RHOJ: variants seen among roughly 807,000 people sequenced by gnomAD.
The protein encoded by RHOJ is ras homolog family member J.
A neutral mutation model predicts 23.4 loss-of-function variants in RHOJ; 11 were observed. The ratio of observed to expected loss-of-function variants is 0.47; its 90% CI spans 0.30 to 0.78. The LOEUF (loss-of-function observed/expected upper bound fraction) is 0.78. RHOJ is among the 30% of genes least tolerant of loss of function. The probability of loss-of-function intolerance (pLI) is 0.08; values close to 1 mark genes in which losing one functional copy is unlikely to be tolerated. For missense variants in RHOJ, 254 were observed against 273.4 expected, an observed-to-expected ratio of 0.93 and a Z score of 0.50; for synonymous variants, 102 against 102.7, an observed-to-expected ratio of 0.99 and a Z score of 0.04.
At chr14:63,281,621 A>G (rs1881902410) in intron 3 of RHOJ, among the ~76,000 whole-genome samples, 1 of 152,170 alleles carries the variant, frequency 6.6e-6, no homozygotes, top group South Asian at 2.1e-4. Context: ...ACCATTGTCT[A>G]TTCCTTTTAA....
intron 1 of RHOJ, among the ~76,000 whole-genome samples, chr14:63,242,888 T>G (rs142249302): frequency 6.6e-6 from 1 of 152,134 alleles, no homozygotes; most frequent in African/African-American, 2.4e-5. Flanking sequence ...TATTTTTATA[T>G]AAATGAAAAA....
chr14:63,270,171 T>C (rs888537916), intron 2 of RHOJ, among the ~76,000 whole-genome samples: 4 of 65,574 alleles, frequency 6.1e-5, no homozygotes, highest in African/African-American at 4.7e-4. Flanking sequence ...CGTCTAGGCC[T>C]TTTTTTTTTT....
intron 1 of RHOJ, among the ~76,000 whole-genome samples, chr14:63,230,150 T>C (rs1894664486): frequency 1.3e-5 from 2 of 151,002 alleles, no homozygotes; most frequent in South Asian, 4.2e-4. Flanking sequence ...TGGACAATCC[T>C]AAAAATTGTC....
intron 2 of RHOJ, among the ~76,000 whole-genome samples, chr14:63,280,021 GTTTTA>G (rs1280214301): frequency 6.6e-6 from 1 of 151,832 alleles, no homozygotes; most frequent in Non-Finnish European, 1.5e-5. Flanking sequence ...TTGGTCTTTT[GTTTTA>G]TTTTGTTTGT....
chr14:63,209,273 A>G (rs962509645), intron 1 of RHOJ, among the ~76,000 whole-genome samples: 2 of 152,054 alleles, frequency 1.3e-5, no homozygotes, highest in African/African-American at 4.8e-5. Flanking sequence ...AACTTCTCCA[A>G]TCACTTCCCT....
intron 1 of RHOJ, among the ~76,000 whole-genome samples, chr14:63,212,569 C>T (rs951693167): frequency 5.3e-5 from 8 of 152,112 alleles, no homozygotes; most frequent in African/African-American, 1.4e-4. Flanking sequence ...TTGCCCCATG[C>T]GGTGGTGGGA....
At chr14:63,254,119 C>T (rs1165680863) in intron 1 of RHOJ, among the ~76,000 whole-genome samples, 2 of 152,130 alleles carry the variant, frequency 1.3e-5, no homozygotes, top group African/African-American at 4.8e-5. Flanking sequence ...CCTTATGTCA[C>T]ACAGGACCGG....
rs1353812763 is a variant in RHOJ, at chr14:63,292,494, A to G, written c.*1470A>G. On this transcript the variant is annotated 3_prime_UTR_variant, in exon 5 of 5. Transcript: ENST00000316754. ...TCTTAGTTGCTTATAAGTGCCCTGG[A>G]ATCACCCAGGTAGGCACTTAATTTT... The G allele has an allele frequency of 6.6e-6, 1 of 152,184 alleles. No individual in the cohort carries two copies. The highest frequency in any genetic ancestry group is 1.5e-5 in the Non-Finnish European group (1 of 68,046). The allele number at this position is 152,184 out of a possible 1,614,324, so 9.4% of individuals were successfully genotyped here. A position where few individuals can be genotyped will look rare whatever the true frequency, so the allele number is the denominator to read the frequency against.
At chr14:63,282,400 T>C (rs1234200218) in intron 3 of RHOJ, among the ~76,000 whole-genome samples, 1 of 152,110 alleles carries the variant, frequency 6.6e-6, no homozygotes, top group Non-Finnish European at 1.5e-5. Context: ...AAGCCCTTGC[T>C]TTCCCACATT....
rs1881938507 is a variant in RHOJ at position 63,282,358 on chromosome 14, G to A, written c.403-763G>A. On this transcript the variant is annotated intron_variant, in intron 3 of 4. Transcript: ENST00000316754. ...AGCTGAGTAATATGCTTATAAAAGG[G>A]ACCCTAATATATTGGTCTTTCTTTA... 3.3e-5 allele frequency among the ~76,000 whole-genome samples: 5 copies of A among 151,172 alleles called. No homozygotes were observed. In the South Asian group the frequency reaches 1.0e-3, roughly 32 times the overall value.
intron 1 of RHOJ, among the ~76,000 whole-genome samples, chr14:63,215,667 G>C (rs961685195): frequency 6.6e-6 from 1 of 152,114 alleles, no homozygotes; most frequent in Non-Finnish European, 1.5e-5. Context: ...TGGCAGAATT[G>C]GGATTCAAAT....
At chr14:63,235,123 C>T (rs1049893292) in intron 1 of RHOJ, among the ~76,000 whole-genome samples, 4 of 151,352 alleles carry the variant, frequency 2.6e-5, no homozygotes, top group Non-Finnish European at 5.9e-5. Context: ...GTTCTTCTTT[C>T]GGGACTCTAA....
chr14:63,231,568 T>C (rs895643719), intron 1 of RHOJ, among the ~76,000 whole-genome samples: 2 of 152,192 alleles, frequency 1.3e-5, no homozygotes, highest in Non-Finnish European at 2.9e-5. Flanking sequence ...GATGTGATTT[T>C]AAACCAAATA....
At chr14:63,253,055 T>C (rs1477383425) in intron 1 of RHOJ, among the ~76,000 whole-genome samples, 1 of 152,242 alleles carries the variant, frequency 6.6e-6, no homozygotes, top group East Asian at 1.9e-4. Context: ...TGAATCTGTA[T>C]AGAAATTGTT....
At chr14:63,267,813 T>A (rs1236464530) in intron 1 of RHOJ, among the ~76,000 whole-genome samples, 1 of 152,204 alleles carries the variant, frequency 6.6e-6, no homozygotes. Context: ...TAACAGCTCA[T>A]CTGAGCGGCT....
intron 3 of RHOJ, 106 bp downstream of exon 3, chr14:63,281,241 C>A: frequency 9.2e-7 from 1 of 1,086,984 alleles, no homozygotes; most frequent in Non-Finnish European, 1.3e-6. Context: ...AAGTGTGTCT[C>A]AGACATGTCA....
At chr14:63,290,802 T>A (rs1388128998) in intron 4 of RHOJ, 76 bp from the exon 5 acceptor site, 5 of 1,439,602 alleles carry the variant, frequency 3.5e-6, no homozygotes, top group Non-Finnish European at 3.8e-6. Context: ...TAAGTGCTTG[T>A]CTGGGCAGTG....
At chr14:63,261,246 C>T (rs192087792) in intron 1 of RHOJ, among the ~76,000 whole-genome samples, 107 of 151,762 alleles carry the variant, frequency 7.1e-4, no homozygotes, top group Middle Eastern at 6.8e-3. Flanking sequence ...TGGGTTAATC[C>T]TTATTGATTA....
intron 1 of RHOJ, among the ~76,000 whole-genome samples, chr14:63,213,452 G>A (rs1175511456): frequency 1.3e-5 from 2 of 152,146 alleles, no homozygotes; most frequent in Admixed American, 1.3e-4. Flanking sequence ...CCATGTTGCT[G>A]CAAAAGACAT....
Sources: gnomAD v4.1 joint callset for allele counts (sites outside exome capture counted in the v4.1 genomes callset) on GRCh38, gnomAD v4.1.1 for gene constraint, MANE v1.5 for transcripts, NCBI Gene and HGNC (gene_info 2026-07-23, HGNC 2026-07-21) for gene names.